Variants in XYLB observed in about 807,000 individuals in gnomAD.
XYLB encodes the protein xylulose kinase.
XYLB carries 62 observed loss-of-function variants against 78.7 expected under a neutral mutation model. That is an observed-to-expected ratio of 0.79 (90% CI 0.64 to 0.97). The LOEUF is 0.97. Among genes scored for constraint, XYLB ranks in the 50% least tolerant of loss-of-function variants. The pLI is 0.00. For missense variants in XYLB, 687 were observed against 676.8 expected (o/e 1.02, Z -0.17); for synonymous variants, 245 against 247.4 (o/e 0.99, Z 0.09).
At chr3:38,401,065 C>A in intron 18 of XYLB, 80 bp downstream of exon 18, 2 of 1,224,754 alleles carry the variant, frequency 1.6e-6, no homozygotes, top group South Asian at 1.2e-5. Flanking sequence ...AAAAGGTCAC[C>A]TACATTGAAC....
chr3:38,361,977 C>T (rs1276619396), intron 3 of XYLB, among the ~76,000 whole-genome samples: 1 of 152,114 alleles, frequency 6.6e-6, no homozygotes, highest in African/African-American at 2.4e-5. Flanking sequence ...TGCTGGGCAC[C>T]ACCATCCATC....
At chr3:38,369,925 T>C (rs1706455654) in intron 8 of XYLB, 131 bp from the exon 9 acceptor site, 1 of 806,020 alleles carries the variant, frequency 1.2e-6, no homozygotes. Context: ...CAAGCATATA[T>C]ACCTTCCATG....
At chr3:38,376,318 G>T in intron 13 of XYLB, 86 bp downstream of exon 13, 1 of 877,062 alleles carries the variant, frequency 1.1e-6, no homozygotes. Flanking sequence ...TGAGCTGGGG[G>T]AGAGGAGGGC....
the XYLB span, among the ~76,000 whole-genome samples, chr3:38,449,560 C>A: frequency 6.6e-6 from 1 of 152,338 alleles, no homozygotes; most frequent in African/African-American, 2.4e-5. Context: ...ACCCAGCTTA[C>A]TCTGTGTTTT....
At chr3:38,365,382 T>C in intron 5 of XYLB, 97 bp downstream of exon 5, 2 of 1,402,572 alleles carry the variant, frequency 1.4e-6, no homozygotes, top group East Asian at 4.7e-5. Context: ...GCAGCTGTGC[T>C]CACGCGCCCT....
chr3:38,391,831 G>A (rs923879175), intron 15 of XYLB, among the ~76,000 whole-genome samples: 2 of 152,146 alleles, frequency 1.3e-5, no homozygotes, highest in African/African-American at 4.8e-5. Flanking sequence ...TATACGGGAC[G>A]ATCCCTCACA....
chr3:38,356,250 CAAAAA>C (rs56412101), intron 2 of XYLB: 11 of 136,788 alleles, frequency 8.0e-5, no homozygotes, highest in Non-Finnish European at 1.3e-4. Context: ...GACTCTGTCT[CAAAAA>C]AAAAAAAAAA....
chr3:38,381,205 A>G (rs562038654), intron 15 of XYLB, among the ~76,000 whole-genome samples: 1 of 152,324 alleles, frequency 6.6e-6, no homozygotes, highest in East Asian at 1.9e-4. Flanking sequence ...TAATACTTTT[A>G]TAATTTCTTA....
At chr3:38,401,933 A>G (rs940487398) in intron 18 of XYLB, among the ~76,000 whole-genome samples, 2 of 152,116 alleles carry the variant, frequency 1.3e-5, no homozygotes, top group Non-Finnish European at 2.9e-5. Flanking sequence ...CTGACTTGCA[A>G]GCTAACAAGT....
chr3:38,452,780 TAAG>T, the XYLB span: 4 of 152,228 alleles, frequency 2.6e-5, no homozygotes, highest in African/African-American at 9.6e-5. Flanking sequence ...TTTCTGCCAT[TAAG>T]AAGATGCAAA....
chr3:38,424,175 T>C (rs1709056215), downstream of XYLB, among the ~76,000 whole-genome samples: 1 of 152,156 alleles, frequency 6.6e-6, no homozygotes, highest in Non-Finnish European at 1.5e-5. Context: ...CCAGAAAAGA[T>C]TGATTTTTCC....
chr3:38,439,343 C>T, the XYLB span, among the ~76,000 whole-genome samples: 1 of 152,138 alleles, frequency 6.6e-6, no homozygotes, highest in Non-Finnish European at 1.5e-5. Flanking sequence ...AGCCTCGATC[C>T]TACAGGAACC....
intron 13 of XYLB, 64 bp downstream of exon 13, chr3:38,376,296 C>A: frequency 1.6e-6 from 2 of 1,259,044 alleles, no homozygotes; most frequent in Non-Finnish European, 2.3e-6. Context: ...AGGGGCAGAG[C>A]CTGGGGCCCC....
intron 15 of XYLB, among the ~76,000 whole-genome samples, chr3:38,381,757 G>A (rs1707156502): frequency 6.6e-6 from 1 of 152,138 alleles, no homozygotes; most frequent in South Asian, 2.1e-4. Flanking sequence ...ATAAATTTTG[G>A]TCAGACTGGT....
chr3:38,422,830 A>T (rs1709020778), downstream of XYLB, among the ~76,000 whole-genome samples: 1 of 152,058 alleles, frequency 6.6e-6, no homozygotes, highest in Non-Finnish European at 1.5e-5. Flanking sequence ...GGTTAAAAAA[A>T]CCAGTTCAAG....
rs1708665678 is a variant in XYLB, at chr3:38,413,118, G to T, written c.*105G>T. 5 of 1,155,914 alleles carry T rather than the reference G, an allele frequency of 4.3e-6. No homozygotes were observed. The highest frequency in any genetic ancestry group is 3.0e-5 in the Admixed American group (1 of 33,704). 71.6% of individuals were successfully genotyped at this position (1,155,914 alleles called of 1,614,324 possible). A position where few individuals can be genotyped will look rare whatever the true frequency, so the allele number is the denominator to read the frequency against. On this transcript the variant is annotated 3_prime_UTR_variant, in exon 19 of 19. Coordinates refer to ENST00000207870, the MANE Select transcript of XYLB (RefSeq NM_005108.4). ...TTCTCTGTTCTGAACAGCTCTTCCTGCCCCTACTGACTCCTTGGAGTGTCC... is the reference window on the plus strand; with the variant it reads ...TTCTCTGTTCTGAACAGCTCTTCCTTCCCCTACTGACTCCTTGGAGTGTCC...
At chr3:38,364,338 C>T (rs1346168297) in intron 4 of XYLB, among the ~76,000 whole-genome samples, 1 of 151,854 alleles carries the variant, frequency 6.6e-6, no homozygotes, top group Non-Finnish European at 1.5e-5. Flanking sequence ...AGGTCTCTAC[C>T]GCAGCCTCCT....
downstream of XYLB, among the ~76,000 whole-genome samples, chr3:38,415,690 C>T (rs908901666): frequency 2.0e-5 from 3 of 151,978 alleles, no homozygotes; most frequent in Non-Finnish European, 1.5e-5. Flanking sequence ...GGCTGAGGCA[C>T]GAGAATTGCT....
rs547187301 is a variant in XYLB at position 38,392,548 on chromosome 3, C to T, written c.1292-2957C>T. Among the ~76,000 whole-genome samples, 20 of 152,246 alleles carry T rather than the reference C, an allele frequency of 1.3e-4. No individual in the cohort carries two copies. The South Asian group carries it at 1.7e-3, about 13-fold the overall frequency. ...CTGACCTCAGGTGATACACCCGTCT[C>T]GGTCTCCCAAAGTGCTGGGATTACA... On this transcript the variant is annotated intron_variant, in intron 15 of 18. Coordinates refer to ENST00000207870, the MANE Select transcript of XYLB (RefSeq NM_005108.4).
Sources: gnomAD v4.1 joint callset for allele counts (sites outside exome capture counted in the v4.1 genomes callset) on GRCh38, gnomAD v4.1.1 for gene constraint, MANE v1.5 for transcripts, NCBI Gene and HGNC (gene_info 2026-07-23, HGNC 2026-07-21) for gene names.